Variants in TNFRSF8 observed in about 807,000 individuals in gnomAD.
The protein encoded by TNFRSF8 is TNF receptor superfamily member 8, also known as tumor necrosis factor receptor superfamily member 8.
A neutral mutation model predicts 70.8 loss-of-function variants in TNFRSF8; 26 were observed. The observed-to-expected ratio is 0.37, with a 90% CI of 0.27 to 0.51. The LOEUF (loss-of-function observed/expected upper bound fraction) is 0.51. Among genes scored for constraint, TNFRSF8 ranks in the 20% least tolerant of loss-of-function variants. The pLI is 0.94. For synonymous variants in TNFRSF8, 356 were observed against 339.2 expected, an observed-to-expected ratio of 1.05 and a Z score of -0.54; for missense variants, 720 against 807.9, an observed-to-expected ratio of 0.89 and a Z score of 1.32.
intron 2 of TNFRSF8, among the ~76,000 whole-genome samples, chr1:12,087,112 TCCATCCATCCATCCATC>T (rs1641166860): frequency 1.5e-5 from 2 of 135,692 alleles, no homozygotes; most frequent in African/African-American, 2.6e-5. Context: ...CATCCATCCA[TCCATCCATCCATCCATC>T]ATCCATCCAA....
rs1570006776 is a variant in TNFRSF8, at chr1:12,088,485, C to A, written c.151+3934C>A. Among the ~76,000 whole-genome samples, 1 of 152,272 alleles carries A rather than the reference C, an allele frequency of 6.6e-6. No individual in the cohort carries two copies. Among genetic ancestry groups the A allele is most frequent in the East Asian group, 1.9e-4 (1 of 5,182 alleles). On this transcript the variant is annotated intron_variant, in intron 2 of 14. Coordinates refer to ENST00000263932, the MANE Select transcript of TNFRSF8 (RefSeq NM_001243.5). The surrounding 1 kb of genome is among the most constrained non-coding windows in gnomAD (Gnocchi z 4.0). ...CTGAGCTCTTCAACTGTAGTTGATA[C>A]TGACCCTCAAGGCCTCGAATTTGGG...
chr1:12,099,009 C>T (rs535167047), intron 3 of TNFRSF8, among the ~76,000 whole-genome samples: 2 of 152,310 alleles, frequency 1.3e-5, no homozygotes, highest in East Asian at 3.9e-4. Flanking sequence ...CACAGCTTCT[C>T]TGTTCCTGAG....
At chr1:12,083,619 G>A (rs1279415550) in intron 1 of TNFRSF8, among the ~76,000 whole-genome samples, 2 of 152,116 alleles carry the variant, frequency 1.3e-5, no homozygotes, top group Non-Finnish European at 2.9e-5. Flanking sequence ...CCCAGGAGGT[G>A]GAGGCTGCAG....
Position 12,142,236 on chromosome 1 carries a change from T to G in TNFRSF8, c.1544-51T>G, listed in dbSNP as rs934711966. The G allele has an allele frequency of 1.3e-6, 2 of 1,511,758 alleles. No homozygotes were observed. Among genetic ancestry groups the G allele is most frequent in the Admixed American group, 4.1e-5 (2 of 48,526 alleles). The allele number at this position is 1,511,758 out of a possible 1,614,324, so 93.6% of individuals were successfully genotyped here. On this transcript the variant is annotated intron_variant, in intron 14 of 14. Transcript: ENST00000263932. This position sits in a 1 kb window ranked among gnomAD's most constrained non-coding sequence, Gnocchi z 5.0. ...GCCCTTCTCTGCCTCTTTGCTCCCATCCTGGCTGGTGCTCTGGCCTCCCTC... is the reference window on the plus strand; with the variant it reads ...GCCCTTCTCTGCCTCTTTGCTCCCAGCCTGGCTGGTGCTCTGGCCTCCCTC...
At chr1:12,083,586 C>G (rs1277989013) in intron 1 of TNFRSF8, among the ~76,000 whole-genome samples, 1 of 152,124 alleles carries the variant, frequency 6.6e-6, no homozygotes, top group African/African-American at 2.4e-5. Flanking sequence ...ACTTGGCAGG[C>G]TGAGGCACAA....
Position 12,141,442 on chromosome 1 carries a change from C to T in TNFRSF8, c.1544-845C>T, listed in dbSNP as rs1199938451. On this transcript the variant is annotated intron_variant, in intron 14 of 14. Coordinates refer to ENST00000263932, the MANE Select transcript of TNFRSF8 (RefSeq NM_001243.5). The surrounding 1 kb of genome is among the most constrained non-coding windows in gnomAD (Gnocchi z 5.4). ...CAGAAGCCCCCACATCAGACTGTGGCGAGGACCGGCCCTCCGTCCAAGCTC... is the reference window on the plus strand; with the variant it reads ...CAGAAGCCCCCACATCAGACTGTGGTGAGGACCGGCCCTCCGTCCAAGCTC... Among the ~76,000 whole-genome samples the T allele has an allele frequency of 6.6e-6, 1 of 152,248 alleles. No homozygotes were observed. The highest frequency in any genetic ancestry group is 1.5e-5 in the Non-Finnish European group (1 of 68,042).
chr1:12,064,656 T>C (rs1350871579), intron 1 of TNFRSF8, among the ~76,000 whole-genome samples: 2 of 151,938 alleles, frequency 1.3e-5, no homozygotes, highest in African/African-American at 4.8e-5. Flanking sequence ...ATCTGAACCT[T>C]AGGCAGTGGG....
Position 12,109,526 on chromosome 1 carries a change from C to G in TNFRSF8, c.422-40C>G. The G allele has an allele frequency of 3.2e-6, 5 of 1,565,974 alleles. No homozygotes were observed. Among genetic ancestry groups the G allele is most frequent in the Non-Finnish European group, 4.4e-6 (5 of 1,138,622 alleles). The stretch of plus-strand genomic sequence containing the variant: ...GGTGTATTCCGGGAGACTTTGGGTC[C>G]CCAACACTGATTCTGAAGGCACTGC... On this transcript the variant is annotated intron_variant, in intron 4 of 14. Coordinates refer to ENST00000263932, the MANE Select transcript of TNFRSF8 (RefSeq NM_001243.5). This position sits in a 1 kb window ranked among gnomAD's most constrained non-coding sequence, Gnocchi z 4.4.
chr1:12,088,182 C>G lies in TNFRSF8; in HGVS notation c.151+3631C>G, dbSNP rs1435747628. Reference sequence around the variant, plus strand: ...TGCACCCAGGCCTGTGATGCCCTCTCCAGCATTCCTGAGAGCAGGTCCCCA... The same window carrying G: ...TGCACCCAGGCCTGTGATGCCCTCTGCAGCATTCCTGAGAGCAGGTCCCCA... On this transcript the variant is annotated intron_variant, in intron 2 of 14. Coordinates refer to ENST00000263932, the MANE Select transcript of TNFRSF8 (RefSeq NM_001243.5). This position sits in a 1 kb window ranked among gnomAD's most constrained non-coding sequence, Gnocchi z 4.0. 6.6e-6 allele frequency among the ~76,000 whole-genome samples: 1 copy of G among 152,116 alleles called. No individual in the cohort carries two copies. Among genetic ancestry groups the G allele is most frequent in the East Asian group, 1.9e-4 (1 of 5,186 alleles).
chr1:12,086,821 A>G (rs563451417), intron 2 of TNFRSF8, among the ~76,000 whole-genome samples: 1 of 151,606 alleles, frequency 6.6e-6, no homozygotes, highest in East Asian at 1.9e-4. Context: ...CTCTTCATAT[A>G]TGCCACCAAT....
chr1:12,124,149 C>T (rs1289983222), intron 10 of TNFRSF8, among the ~76,000 whole-genome samples: 2 of 152,074 alleles, frequency 1.3e-5, no homozygotes, highest in Admixed American at 6.5e-5. Flanking sequence ...GGTTTACAGG[C>T]GCTTGCCACC....
rs1640685128 is a variant in TNFRSF8, at chr1:12,063,582, C to A, written c.-17C>A. ...GTGGGCGCCGGCCGCCAGGCCACCT[C>A]ACGTCCGGCCCCGGGGATGCGCGTC... On this transcript the variant is annotated 5_prime_UTR_variant, in exon 1 of 15. Transcript: ENST00000263932. This position sits in a 1 kb window ranked among gnomAD's most constrained non-coding sequence, Gnocchi z 7.2. 1 of 1,312,200 alleles carries A rather than the reference C, an allele frequency of 7.6e-7. No individual in the cohort carries two copies. The highest frequency in any genetic ancestry group is 2.2e-5 in the South Asian group (1 of 46,376). 81.3% of individuals were successfully genotyped at this position (1,312,200 alleles called of 1,614,324 possible). A position where few individuals can be genotyped will look rare whatever the true frequency, so the allele number is the denominator to read the frequency against.
intron 1 of TNFRSF8, among the ~76,000 whole-genome samples, chr1:12,081,110 C>T (rs759178828): frequency 2.0e-5 from 3 of 152,198 alleles, no homozygotes; most frequent in Admixed American, 6.5e-5. Flanking sequence ...GAGTAATGTG[C>T]AATACCATGG....
chr1:12,082,214 A>C (rs1242527373), intron 1 of TNFRSF8, among the ~76,000 whole-genome samples: 5 of 152,178 alleles, frequency 3.3e-5, no homozygotes. Context: ...CTTCACTTTC[A>C]AAGAACCCTT....
intron 12 of TNFRSF8, among the ~76,000 whole-genome samples, chr1:12,128,833 C>CT (rs60878706): frequency 0.019 from 2,109 of 111,654 alleles, 142 homozygotes; most frequent in East Asian, 0.12. Context: ...GTCTAAAATT[C>CT]TTTTTTTTTT....
chr1:12,091,441 A>G (rs2100978139), intron 2 of TNFRSF8, among the ~76,000 whole-genome samples: 1 of 152,242 alleles, frequency 6.6e-6, no homozygotes, highest in Middle Eastern at 3.4e-3. Context: ...TCCATCAAAC[A>G]TTGGTGGAAC....
intron 14 of TNFRSF8, among the ~76,000 whole-genome samples, chr1:12,139,929 G>T (rs995212988): frequency 3.9e-5 from 6 of 152,246 alleles, no homozygotes; most frequent in Admixed American, 1.3e-4. Context: ...GAGCCACCAT[G>T]CCCAGCCTGG....
At chr1:12,122,559 A>G (rs998171829) in intron 8 of TNFRSF8, among the ~76,000 whole-genome samples, 2 of 151,784 alleles carry the variant, frequency 1.3e-5, no homozygotes, top group Admixed American at 6.6e-5. Context: ...AGGCAGGAGA[A>G]TCACTTGAAT....
At chr1:12,065,234 C>T (rs1205668014) in intron 1 of TNFRSF8, among the ~76,000 whole-genome samples, 1 of 151,994 alleles carries the variant, frequency 6.6e-6, no homozygotes, top group Non-Finnish European at 1.5e-5. Flanking sequence ...AGGCATGTGC[C>T]ACCACACCCG....
Sources: allele counts gnomAD v4.1 joint callset (sites outside exome capture counted in the v4.1 genomes callset), GRCh38; gene constraint gnomAD v4.1.1; non-coding constraint Gnocchi (gnomAD v3.1); transcripts MANE v1.5; gene names NCBI Gene and HGNC (gene_info 2026-07-23, HGNC 2026-07-21).